ATP6V0A2: variants seen among roughly 807,000 people sequenced by gnomAD.
The protein encoded by ATP6V0A2 is V-type proton ATPase 116 kDa subunit a 2.
ATP6V0A2 carries 58 observed loss-of-function variants against 104.4 expected under a neutral mutation model. The observed-to-expected ratio is 0.56, with a 90% confidence interval of 0.45 to 0.69. ATP6V0A2 has a LOEUF of 0.69. Among genes scored for constraint, ATP6V0A2 ranks in the 30% least tolerant of loss-of-function variants. The pLI, the probability that ATP6V0A2 is intolerant of heterozygous loss-of-function variation, is 0.00. For synonymous variants in ATP6V0A2, 376 were observed against 397.9 expected, an observed-to-expected ratio of 0.95 and a Z score of 0.65; for missense variants, 938 against 1,062.9, an observed-to-expected ratio of 0.88 and a Z score of 1.63.
At chr12:123,749,260 G>T (rs966319591) in intron 15 of ATP6V0A2, among the ~76,000 whole-genome samples, 1 of 152,168 alleles carries the variant, frequency 6.6e-6, no homozygotes, top group African/African-American at 2.4e-5. Context: ...CTGCACTCCA[G>T]CCTGGGTGAC....
In ATP6V0A2 at chr12:123,752,398, A is replaced by G. The variant is rs778749017; in HGVS notation, c.2171A>G (p.Glu724Gly). 1 of 1,614,130 alleles carries G rather than the reference A, an allele frequency of 6.2e-7. No homozygotes were observed. Residue 724 changes from glutamate to glycine, a missense_variant, in exon 17 of 20, where the codon GAA becomes GGA. Physicochemically the swap from Glu to Gly is moderately conservative, Grantham distance 98. Transcript: ENST00000330342. ...GATGGATGTAGAGAAATGGCGTGTG[A>G]AGAGGTAAATCTTTTCAACTGCTAT... ...VEDGCREMAC[E>G]EFNFGEILMT...
chr12:123,718,824 T>G, intron 2 of ATP6V0A2, 123 bp downstream of exon 2: 3 of 665,742 alleles, frequency 4.5e-6, no homozygotes, highest in Non-Finnish European at 7.7e-6. Context: ...GTATTCTCAT[T>G]CAGAAGTAAT....
At chr12:123,757,824 A>T in intron 19 of ATP6V0A2, 103 bp from the exon 20 acceptor site, 1 of 756,998 alleles carries the variant, frequency 1.3e-6, no homozygotes, top group Non-Finnish European at 2.2e-6. Flanking sequence ...TTTTGGAATG[A>T]AGCAATTTCA....
chr12:123,736,251 C>T (rs537140696), intron 8 of ATP6V0A2, among the ~76,000 whole-genome samples: 13 of 133,070 alleles, frequency 9.8e-5, no homozygotes, highest in Non-Finnish European at 1.7e-4. Flanking sequence ...TGCAGTGGTG[C>T]GATCATCTCA....
At chr12:123,724,625 C>A (rs753983730) in intron 3 of ATP6V0A2, 29 bp from the exon 4 acceptor site, 14 of 1,611,202 alleles carry the variant, frequency 8.7e-6, no homozygotes, top group Non-Finnish European at 6.8e-6. Flanking sequence ...TAATTACTAC[C>A]CTCTTAAGTA....
intron 1 of ATP6V0A2, among the ~76,000 whole-genome samples, chr12:123,713,139 C>T (rs1366684645): frequency 6.6e-6 from 1 of 151,986 alleles, no homozygotes; most frequent in African/African-American, 2.4e-5. Context: ...GGAAGCCTCC[C>T]GGAGAAGGTG....
chr12:123,722,339 T>G lies in ATP6V0A2; in HGVS notation c.197-12T>G. On this transcript the variant is annotated splice_polypyrimidine_tract_variant and intron_variant, in intron 2 of 19. Transcript: ENST00000330342. ...ATTTTAGTATCTAATTGTTTAACTT[T>G]TATTTTCACAGTGTATTTGGTACAG... The G allele has an allele frequency of 6.6e-7, 1 of 1,522,288 alleles. No homozygotes were observed. The highest frequency in any genetic ancestry group is 1.7e-4 in the Middle Eastern group (1 of 5,902). 94.3% of individuals were successfully genotyped at this position (1,522,288 alleles called of 1,614,324 possible).
intron 6 of ATP6V0A2, chr12:123,732,982 A>G (rs778060384): frequency 2.0e-5 from 3 of 152,182 alleles, no homozygotes; most frequent in Non-Finnish European, 4.4e-5. Flanking sequence ...TTGTAAATAC[A>G]GGGTGATTCT....
chr12:123,750,855 T>C (rs906303553), intron 15 of ATP6V0A2: 1 of 492,080 alleles, frequency 2.0e-6, no homozygotes, highest in Non-Finnish European at 3.7e-6. Flanking sequence ...CTCTTTAGAA[T>C]TTTTGTAAAG....
intron 8 of ATP6V0A2, among the ~76,000 whole-genome samples, chr12:123,736,748 G>T (rs150125357): frequency 3.3e-5 from 5 of 152,246 alleles, no homozygotes; most frequent in Non-Finnish European, 7.4e-5. Flanking sequence ...CTGGATCCTG[G>T]TAGGCCATCA....
Position 123,718,495 on chromosome 12 carries a change from C to T in ATP6V0A2, c.118-128C>T, listed in dbSNP as rs925877394. On this transcript the variant is annotated intron_variant, in intron 1 of 19. Transcript: ENST00000330342. ...AAATTGCTCTCAAGAAAAGTTGTGT[C>T]AGTTTATAGTTTCATTCAATAGTAT... 7 of 653,690 alleles carry T rather than the reference C, an allele frequency of 1.1e-5. No individual in the cohort carries two copies. In the Admixed American group the frequency reaches 1.1e-4, roughly 11 times the overall value. 40.5% of individuals were successfully genotyped at this position (653,690 alleles called of 1,614,324 possible).
At chr12:123,745,707 CAAAA>C (rs34566253) in intron 13 of ATP6V0A2, among the ~76,000 whole-genome samples, 8 of 131,742 alleles carry the variant, frequency 6.1e-5, no homozygotes, top group Non-Finnish European at 9.8e-5. Context: ...GACTCTGTCT[CAAAA>C]AAAAAAAAAA....
intron 6 of ATP6V0A2, chr12:123,731,017 A>T (rs529374742): frequency 2.2e-4 from 33 of 152,302 alleles, no homozygotes; most frequent in African/African-American, 7.9e-4. Context: ...CTTATGCCAA[A>T]TTTTTATGGA....
intron 2 of ATP6V0A2, among the ~76,000 whole-genome samples, chr12:123,720,154 A>AT (rs890276352): frequency 2.0e-5 from 3 of 151,696 alleles, no homozygotes; most frequent in East Asian, 1.9e-4. Context: ...CACCCGGCCT[A>AT]TTTTTTTTAA....
chr12:123,733,018 T>G (rs1269000630), intron 6 of ATP6V0A2: 2 of 152,126 alleles, frequency 1.3e-5, no homozygotes, highest in Admixed American at 1.3e-4. Flanking sequence ...TTATGCTTCA[T>G]AAAGTCACTG....
chr12:123,757,225 G>A (rs1007539063), intron 19 of ATP6V0A2, among the ~76,000 whole-genome samples: 15 of 152,144 alleles, frequency 9.9e-5, no homozygotes, highest in Non-Finnish European at 1.3e-4. Context: ...TGGATCACGT[G>A]AGGTCAGGAG....
intron 1 of ATP6V0A2, 123 bp downstream of exon 1, chr12:123,712,805 C>T (rs556940333): frequency 3.4e-6 from 3 of 876,672 alleles, no homozygotes; most frequent in Admixed American, 2.0e-5. Context: ...ATTGTCCAGA[C>T]GGGGAAGATG....
At chr12:123,754,959 C>T (rs1396754894) in intron 18 of ATP6V0A2, among the ~76,000 whole-genome samples, 1 of 152,214 alleles carries the variant, frequency 6.6e-6, no homozygotes, top group African/African-American at 2.4e-5. Context: ...CCACAGCACT[C>T]ATGGGTAGCC....
At chr12:123,723,149 G>A (rs1376731786) in intron 3 of ATP6V0A2, 1 of 152,314 alleles carries the variant, frequency 6.6e-6, no homozygotes, top group African/African-American at 2.4e-5. Context: ...TGTTTATTCG[G>A]GAGGAAGTCT....
Sources: allele counts gnomAD v4.1 joint callset (sites outside exome capture counted in the v4.1 genomes callset), GRCh38; gene constraint gnomAD v4.1.1; transcripts MANE v1.5; gene names NCBI Gene and HGNC (gene_info 2026-07-23, HGNC 2026-07-21).